The following RBM19 variants were observed in gnomAD, a reference collection of about 807,000 sequenced individuals.
The protein encoded by RBM19 is probable RNA-binding protein 19.
In RBM19, 94 loss-of-function variants were observed where a neutral mutation model predicts 116.8. That is an observed-to-expected ratio of 0.80 (90% CI 0.68 to 0.95). The LOEUF is 0.95. Ranked by LOEUF, RBM19 falls within the 40% of genes least tolerant of loss-of-function variation. The pLI is 0.00. For missense variants in RBM19, 1,161 were observed against 1,220.7 expected, an observed-to-expected ratio of 0.95 and a Z score of 0.73; for synonymous variants, 475 against 494.1, an observed-to-expected ratio of 0.96 and a Z score of 0.51.
chr12:113,953,633 G>C (rs1349934571), intron 7 of RBM19, among the ~76,000 whole-genome samples: 1 of 152,214 alleles, frequency 6.6e-6, no homozygotes, highest in Non-Finnish European at 1.5e-5. Context: ...CCAGGGTTCA[G>C]GAAAATGGGC....
chr12:113,882,725 T>G (rs1319616826), intron 21 of RBM19, among the ~76,000 whole-genome samples: 2 of 152,166 alleles, frequency 1.3e-5, no homozygotes, highest in Admixed American at 6.5e-5. Flanking sequence ...TGGACTCCCA[T>G]TAGCCCCTCC....
At chr12:113,835,919 G>C (rs2135702141) in intron 23 of RBM19, among the ~76,000 whole-genome samples, 1 of 152,348 alleles carries the variant, frequency 6.6e-6, no homozygotes, top group East Asian at 1.9e-4. Context: ...CCCTGGCTGT[G>C]AGTGCTGTAA....
intron 21 of RBM19, among the ~76,000 whole-genome samples, chr12:113,897,385 C>T (rs921734419): frequency 8.5e-5 from 13 of 152,234 alleles, no homozygotes; most frequent in African/African-American, 3.1e-4. Context: ...AGGCTGGTCT[C>T]AAGCTCCTAA....
intron 22 of RBM19, among the ~76,000 whole-genome samples, chr12:113,848,934 C>T (rs1013392950): frequency 3.9e-5 from 6 of 152,196 alleles, no homozygotes; most frequent in South Asian, 4.1e-4. Context: ...CCTAGCTCCA[C>T]GGCACTCCAA....
At chr12:113,938,798 G>C (rs997295199) in intron 15 of RBM19, among the ~76,000 whole-genome samples, 1 of 152,016 alleles carries the variant, frequency 6.6e-6, no homozygotes, top group Non-Finnish European at 1.5e-5. Flanking sequence ...TGCAGCCATG[G>C]GCCAGGGATG....
At position 113,822,123 on chromosome 12, in the gene RBM19, T is replaced by C. The variant is rs1874456311; in HGVS notation, c.*1101A>G. The stretch of plus-strand genomic sequence containing the variant: ...TAATTCTGGCACTGTCTATCTGAGG[T>C]AGGCACAATTATCACCCCCATTTCC... On this transcript the variant is annotated 3_prime_UTR_variant, in exon 24 of 24. Coordinates refer to ENST00000261741, the MANE Select transcript of RBM19 (RefSeq NM_016196.4). The C allele has an allele frequency of 6.6e-6, 1 of 152,222 alleles. No individual in the cohort carries two copies. The highest frequency in any genetic ancestry group is 2.4e-5 in the African/African-American group (1 of 41,454). 9.4% of individuals were successfully genotyped at this position (152,222 alleles called of 1,614,324 possible). A position where few individuals can be genotyped will look rare whatever the true frequency, so the allele number is the denominator to read the frequency against.
At chr12:113,887,235 T>G (rs565568469) in intron 21 of RBM19, among the ~76,000 whole-genome samples, 8 of 152,280 alleles carry the variant, frequency 5.3e-5, no homozygotes, top group African/African-American at 1.9e-4. Flanking sequence ...AAGCTAAAAC[T>G]CTTCACTGTC....
At chr12:113,911,703 G>A (rs1882439095) in intron 21 of RBM19, among the ~76,000 whole-genome samples, 1 of 152,140 alleles carries the variant, frequency 6.6e-6, no homozygotes. Context: ...TCTGGAGCTG[G>A]TTTCTTCACT....
chr12:113,897,888 G>T (rs1019896541), intron 21 of RBM19, among the ~76,000 whole-genome samples: 1 of 152,192 alleles, frequency 6.6e-6, no homozygotes, highest in Admixed American at 6.5e-5. Context: ...AGAGCCTCTG[G>T]CCACATCCCA....
chr12:113,918,561 G>A (rs575280668), intron 19 of RBM19, 114 bp from the exon 20 acceptor site: 40 of 1,049,840 alleles, frequency 3.8e-5, no homozygotes, highest in African/African-American at 1.1e-4. Context: ...ATTGTTCCCC[G>A]GGGAGTGGGG....
At chr12:113,824,080 G>A (rs1206916681) in intron 23 of RBM19, among the ~76,000 whole-genome samples, 2 of 152,168 alleles carry the variant, frequency 1.3e-5, no homozygotes, top group African/African-American at 2.4e-5. Flanking sequence ...AGAAAAGCAC[G>A]GAGGTAGGAA....
chr12:113,943,122 T>C (rs1321000116), intron 13 of RBM19, among the ~76,000 whole-genome samples: 1 of 152,232 alleles, frequency 6.6e-6, no homozygotes. Context: ...AAGTGTCACG[T>C]TGCTGACCAG....
At chr12:113,895,532 A>G (rs533815723) in intron 21 of RBM19, among the ~76,000 whole-genome samples, 4 of 152,328 alleles carry the variant, frequency 2.6e-5, no homozygotes, top group African/African-American at 9.6e-5. Flanking sequence ...AAGACGCCTA[A>G]CAATACAGAA....
At chr12:113,875,226 C>A (rs1358790050) in intron 21 of RBM19, among the ~76,000 whole-genome samples, 1 of 152,150 alleles carries the variant, frequency 6.6e-6, no homozygotes, top group African/African-American at 2.4e-5. Context: ...CCTGCTGGGA[C>A]AAATATTATT....
chr12:113,962,375 C>T lies in RBM19; in HGVS notation c.76G>A (p.Gly26Ser), dbSNP rs200521410. The T allele has an allele frequency of 2.2e-5, 36 of 1,614,194 alleles. No homozygotes were observed. The Middle Eastern group carries it at 6.6e-4, about 30-fold the overall frequency. ...ERFRQLFAAFGTLTDCSLKFT... is the reference protein window; with the variant it reads ...ERFRQLFAAFSTLTDCSLKFT... ...TTCAGGCTGCAGTCTGTCAGCGTGC[C>T]GAAGGCGGCAAACAGCTGCCTGAAA... Residue 26 changes from glycine (G) to serine (S), a missense_variant, in exon 2 of 24, where the codon GGC becomes AGC. Coordinates refer to ENST00000261741, the MANE Select transcript of RBM19 (RefSeq NM_016196.4).
rs370547816 is a variant in RBM19, at chr12:113,959,207, C to T, written c.571+5G>A. ...GCATGGAGCACACAGTCCCCATGCC[C>T]TCACCTTCCAGGTCCTCCCCGGCTC... On this transcript the variant is annotated splice_donor_5th_base_variant and intron_variant, in intron 5 of 23. Transcript: ENST00000261741. The T allele has an allele frequency of 1.9e-6, 3 of 1,607,402 alleles. No homozygotes were observed. The South Asian group carries it at 3.3e-5, about 18-fold the overall frequency.
intron 6 of RBM19, among the ~76,000 whole-genome samples, chr12:113,956,576 C>CAAAAAAAAAAAAAAAAAAAAAAAAAAAA (rs10592306): frequency 1.5e-5 from 1 of 66,234 alleles, no homozygotes. Context: ...AAGACTGTCT[C>CAAAAAAAAAAAAAAAAAAAAAAAAAAAA]AAAAAAAAAA....
intron 21 of RBM19, among the ~76,000 whole-genome samples, chr12:113,877,185 C>T (rs1486422626): frequency 2.6e-5 from 4 of 152,206 alleles, no homozygotes; most frequent in Non-Finnish European, 5.9e-5. Context: ...ACAAGGTTTC[C>T]GTCAGGGAGA....
At chr12:113,910,244 G>A (rs1216380925) in intron 21 of RBM19, among the ~76,000 whole-genome samples, 4 of 152,090 alleles carry the variant, frequency 2.6e-5, no homozygotes, top group Non-Finnish European at 2.9e-5. Flanking sequence ...GCCTTTCACC[G>A]CCTGGGCAGG....
Sources: allele counts gnomAD v4.1 joint callset (sites outside exome capture counted in the v4.1 genomes callset), GRCh38; gene constraint gnomAD v4.1.1; transcripts MANE v1.5; gene names NCBI Gene and HGNC (gene_info 2026-07-23, HGNC 2026-07-21).